TEX9: variants seen among roughly 807,000 people sequenced by gnomAD.
TEX9 encodes testis expressed 9, also known as testis-expressed protein 9.
In TEX9, 74 loss-of-function variants were observed where a neutral mutation model predicts 59.6. The observed-to-expected ratio is 1.24, with a 90% CI of 1.03 to 1.51. The LOEUF (loss-of-function observed/expected upper bound fraction) is 1.51, where lower values mean the gene tolerates loss of function less well. Ranked by LOEUF, TEX9 falls within the 40% of genes most tolerant of loss-of-function variation. The pLI is 0.00. For missense variants in TEX9, 522 were observed against 447.8 expected, an observed-to-expected ratio of 1.17 and a Z score of -1.49; for synonymous variants, 186 against 152.2, an observed-to-expected ratio of 1.22 and a Z score of -1.64.
chr15:56,334,650 A>G (rs1188816605), intron 1 of TEX9, among the ~76,000 whole-genome samples: 13 of 152,128 alleles, frequency 8.5e-5, no homozygotes, highest in African/African-American at 3.1e-4. Flanking sequence ...AAATGGACAA[A>G]TGGGATCACA....
At chr15:56,419,973 G>C (rs1363783749) in intron 10 of TEX9, among the ~76,000 whole-genome samples, 1 of 151,520 alleles carries the variant, frequency 6.6e-6, no homozygotes, top group Non-Finnish European at 1.5e-5. Flanking sequence ...TCCTTATAGA[G>C]GCTATATTTT....
chr15:56,323,137 C>G (rs1246007721), intron 1 of TEX9: 2 of 215,842 alleles, frequency 9.3e-6, no homozygotes, highest in Admixed American at 4.2e-5. Flanking sequence ...TTCTAAGAAG[C>G]TGAGAATCAA....
chr15:56,290,870 G>A (rs2045074425), intron 1 of TEX9, among the ~76,000 whole-genome samples: 1 of 150,940 alleles, frequency 6.6e-6, no homozygotes, highest in African/African-American at 2.4e-5. Context: ...TTTGGTTTGT[G>A]ACTAGCTGTC....
intron 9 of TEX9, among the ~76,000 whole-genome samples, chr15:56,399,240 T>C (rs1437601451): frequency 1.3e-5 from 2 of 152,110 alleles, no homozygotes; most frequent in African/African-American, 4.8e-5. Context: ...CCTGGAAAAA[T>C]GGGACACTTC....
chr15:56,447,427 A>G (rs1405163631), downstream of TEX9: 1 of 152,362 alleles, frequency 6.6e-6, no homozygotes. Flanking sequence ...TTCAATAAAC[A>G]TAGTATATCC....
upstream of TEX9, among the ~76,000 whole-genome samples, chr15:56,362,241 G>T (rs560966243): frequency 1.3e-5 from 2 of 152,286 alleles, no homozygotes; most frequent in Admixed American, 6.5e-5. Flanking sequence ...ATTACTGAAG[G>T]AGTAGTATTG....
intron 10 of TEX9, among the ~76,000 whole-genome samples, chr15:56,423,588 T>G (rs772445208): frequency 1.1e-4 from 16 of 152,098 alleles, no homozygotes; most frequent in Non-Finnish European, 1.9e-4. Context: ...TTTTTAGTAG[T>G]CACAAAGTTG....
At chr15:56,364,683 C>T (rs991690697), upstream of TEX9, among the ~76,000 whole-genome samples, 1 of 152,122 alleles carries the variant, frequency 6.6e-6, no homozygotes, top group Admixed American at 6.5e-5. Context: ...GTTGTCTCCC[C>T]ATCTGTTGAA....
chr15:56,316,899 A>T (rs370705646), intron 1 of TEX9, among the ~76,000 whole-genome samples: 1 of 152,108 alleles, frequency 6.6e-6, no homozygotes, highest in African/African-American at 2.4e-5. Context: ...TTCGGGTGGG[A>T]GTGACCCGAT....
chr15:56,428,323 A>C, intron 11 of TEX9, 44 bp from the exon 12 acceptor site: 1 of 1,437,098 alleles, frequency 7.0e-7, no homozygotes, highest in South Asian at 1.1e-5. Context: ...TTGGTGGCCT[A>C]CTCTTAATAC....
chr15:56,332,362 C>T (rs1189730697), intron 1 of TEX9, among the ~76,000 whole-genome samples: 3 of 150,860 alleles, frequency 2.0e-5, no homozygotes, highest in East Asian at 2.0e-4. Context: ...AGTAAACTAT[C>T]GCAAGAACAA....
chr15:56,427,908 A>G (rs1262433310), intron 11 of TEX9, among the ~76,000 whole-genome samples, 169 bp downstream of exon 11: 7 of 152,126 alleles, frequency 4.6e-5, no homozygotes, highest in African/African-American at 1.4e-4. Flanking sequence ...AGTGAGATAT[A>G]TGTGTCATCT....
chr15:56,342,700 T>C (rs2046395545), intron 1 of TEX9, among the ~76,000 whole-genome samples: 1 of 152,132 alleles, frequency 6.6e-6, no homozygotes, highest in Non-Finnish European at 1.5e-5. Flanking sequence ...TATGTTGGAC[T>C]GAAACACAAC....
At chr15:56,429,358 A>G (rs932768554) in intron 12 of TEX9, 2 of 554,148 alleles carry the variant, frequency 3.6e-6, no homozygotes, top group South Asian at 4.7e-5. Flanking sequence ...AAAAAATAAG[A>G]CTTTACATAT....
At chr15:56,300,845 A>G (rs2045344629) in intron 1 of TEX9, among the ~76,000 whole-genome samples, 2 of 152,196 alleles carry the variant, frequency 1.3e-5, no homozygotes, top group Admixed American at 1.3e-4. Flanking sequence ...CACAAGATTC[A>G]ATTCCCTTTG....
At chr15:56,281,983 A>T (rs1363529323) in intron 1 of TEX9, among the ~76,000 whole-genome samples, 2 of 152,212 alleles carry the variant, frequency 1.3e-5, no homozygotes, top group Non-Finnish European at 2.9e-5. Context: ...CCCTGAGCGG[A>T]GAATACCTAC....
At chr15:56,427,863 C>T (rs2050387191) in intron 11 of TEX9, 124 bp downstream of exon 11, 2 of 686,714 alleles carry the variant, frequency 2.9e-6, no homozygotes, top group Non-Finnish European at 4.6e-6. Context: ...TAAAATGCAT[C>T]ATACATATGA....
chr15:56,299,273 G>T (rs1411891952), intron 1 of TEX9, among the ~76,000 whole-genome samples: 1 of 152,206 alleles, frequency 6.6e-6, no homozygotes, highest in Admixed American at 6.5e-5. Flanking sequence ...ACTCAGTACT[G>T]CCCTGTCACA....
At chr15:56,364,466 CTTTTT>C (rs55845567), upstream of TEX9, among the ~76,000 whole-genome samples, 2 of 139,602 alleles carry the variant, frequency 1.4e-5, no homozygotes, top group South Asian at 4.5e-4. Flanking sequence ...TTTTTCTTTT[CTTTTT>C]TTTTTTTTTT....
Sources: allele counts gnomAD v4.1 joint callset (sites outside exome capture counted in the v4.1 genomes callset), GRCh38; gene constraint gnomAD v4.1.1; transcripts MANE v1.5; gene names NCBI Gene and HGNC (gene_info 2026-07-23, HGNC 2026-07-21).